The following FGF13 variants were observed in gnomAD, a reference collection of about 807,000 sequenced individuals.
FGF13 encodes fibroblast growth factor homologous factor 2.
FGF13 carries 2 observed loss-of-function variants against 19.5 expected under a neutral mutation model. The observed-to-expected ratio is 0.10, with a 90% CI of 0.04 to 0.32. The LOEUF is 0.32. FGF13 is among the 10% of genes least tolerant of loss of function. FGF13 has a pLI of 1.00. For synonymous variants in FGF13, 72 were observed against 76.9 expected (o/e 0.94, Z 0.33); for missense variants, 113 against 192.7 (o/e 0.59, Z 2.45).
chrX:139,061,408 A>G (rs1292655090), intron 1 of FGF13, among the ~76,000 whole-genome samples: 2 of 111,074 alleles, frequency 1.8e-5, no homozygotes, highest in Non-Finnish European at 3.8e-5. Flanking sequence ...CTCTTATGGC[A>G]CTACATTAGT....
chrX:139,185,058 C>G (rs889888256), intron 1 of FGF13, among the ~76,000 whole-genome samples: 2 of 111,998 alleles, frequency 1.8e-5, no homozygotes, highest in African/African-American at 6.5e-5. Flanking sequence ...TTGTTTTGCA[C>G]TGGAACAAAA....
chrX:139,049,296 T>A (rs1211827318), intron 1 of FGF13, among the ~76,000 whole-genome samples: 2 of 110,683 alleles, frequency 1.8e-5, no homozygotes, highest in African/African-American at 6.6e-5. Flanking sequence ...TTTTTTTCTG[T>A]TTCTACTGAT....
chrX:139,093,675 G>C (rs1360538704), intron 1 of FGF13, among the ~76,000 whole-genome samples: 1 of 111,787 alleles, frequency 8.9e-6, no homozygotes, highest in Non-Finnish European at 1.9e-5. Context: ...AGTCTACTGG[G>C]GATGCTAGTG....
At chrX:139,006,144 C>T (rs1400101243) in intron 1 of FGF13, among the ~76,000 whole-genome samples, 1 of 111,229 alleles carries the variant, frequency 9.0e-6, no homozygotes, top group Non-Finnish European at 1.9e-5. Context: ...AATAATCAGA[C>T]TCCCAAAGGT....
chrX:138,818,417 A>G (rs1466207837), intron 3 of FGF13, among the ~76,000 whole-genome samples: 1 of 108,264 alleles, frequency 9.2e-6, no homozygotes, highest in Admixed American at 1.0e-4. Flanking sequence ...ATCTCCTTCA[A>G]TTGGTCCTGG....
At chrX:138,659,383 G>A (rs1416824859) in intron 3 of FGF13, among the ~76,000 whole-genome samples, 2 of 111,856 alleles carry the variant, frequency 1.8e-5, no homozygotes, top group Non-Finnish European at 3.8e-5. Context: ...AGTTAGAATG[G>A]CGATCATTAA....
At chrX:138,896,085 T>C (rs1056523650) in intron 1 of FGF13, among the ~76,000 whole-genome samples, 2 of 111,940 alleles carry the variant, frequency 1.8e-5, no homozygotes, top group Non-Finnish European at 3.8e-5. Flanking sequence ...GTGAGATTTA[T>C]TGCACAGCAT....
chrX:139,003,132 G>A lies in FGF13; in HGVS notation c.-112-138482C>T, dbSNP rs955088677. Among the ~76,000 whole-genome samples, 3 of 111,835 alleles carry A rather than the reference G, an allele frequency of 2.7e-5. No homozygotes were observed. The Admixed American group carries it at 2.8e-4, about 11-fold the overall frequency. On this transcript the variant is annotated intron_variant, in intron 1 of 2. Coordinates refer to the FGF13 transcript ENST00000421460. Reference sequence around the variant, plus strand: ...TGAGTGTTACAGCTCTTAAGATGGCGCGTCTGGAGTCTGTCCCTTCTGATG... The same window carrying A: ...TGAGTGTTACAGCTCTTAAGATGGCACGTCTGGAGTCTGTCCCTTCTGATG...
intron 1 of FGF13, among the ~76,000 whole-genome samples, chrX:139,175,517 G>A (rs1336835379): frequency 8.9e-6 from 1 of 112,093 alleles, no homozygotes; most frequent in East Asian, 2.8e-4. Flanking sequence ...TGCCCATTCA[G>A]TATGATATTG....
At position 139,010,583 on chromosome X, in the gene FGF13, T is replaced by C. The variant is rs1195078397; in HGVS notation, c.-112-145933A>G. On this transcript the variant is annotated intron_variant, in intron 1 of 2. Transcript: ENST00000421460. ...GGGTCAACAATGAAATCAAGATGGC[T>C]ATTAAAAAATTCTTTGAATTGAAAT... Among the ~76,000 whole-genome samples, 20 of 111,770 alleles carry C rather than the reference T, an allele frequency of 1.8e-4. No individual in the cohort carries two copies. The Admixed American group carries it at 1.9e-3, about 11-fold the overall frequency.
At chrX:139,143,909 C>G (rs1023498086) in intron 1 of FGF13, among the ~76,000 whole-genome samples, 3 of 111,425 alleles carry the variant, frequency 2.7e-5, no homozygotes, top group Non-Finnish European at 5.6e-5. Context: ...AGTATGGTTC[C>G]AGGCCCAAAT....
intron 1 of FGF13, among the ~76,000 whole-genome samples, chrX:139,192,825 G>A (rs2084342285): frequency 9.0e-6 from 1 of 111,447 alleles, no homozygotes; most frequent in Non-Finnish European, 1.9e-5. Flanking sequence ...GCTATGATGG[G>A]CACCAGATCA....
At chrX:138,872,252 G>A (rs752480415) in intron 1 of FGF13, among the ~76,000 whole-genome samples, 28 of 111,748 alleles carry the variant, frequency 2.5e-4, no homozygotes, top group Non-Finnish European at 4.9e-4. Context: ...TTTCACAAAC[G>A]GAAAATAATT....
intron 1 of FGF13, among the ~76,000 whole-genome samples, chrX:138,989,651 T>C (rs1401685575): frequency 9.0e-6 from 1 of 110,849 alleles, no homozygotes; most frequent in Non-Finnish European, 1.9e-5. Flanking sequence ...GGAGATTGAT[T>C]ACTTTTGATA....
Position 138,628,594 on chromosome X carries a change from T to C in FGF13, c.*4256A>G, listed in dbSNP as rs187184386. 8.9e-6 allele frequency: 1 copy of C among 112,351 alleles called. No homozygotes were observed. Among genetic ancestry groups the C allele is most frequent in the African/African-American group, 3.2e-5 (1 of 30,976 alleles). The allele number at this position is 112,351 out of a possible 1,213,427, so 9.3% of individuals were successfully genotyped here. On this transcript the variant is annotated 3_prime_UTR_variant, in exon 5 of 5. Coordinates refer to ENST00000315930, the MANE Select transcript of FGF13 (RefSeq NM_004114.5). ...GCTTCTAAGACACATTCGTATGAAA[T>C]TTGTTGAAAATGGTTATCAGTTCTG...
chrX:138,750,142 G>A (rs1481362614), intron 3 of FGF13, among the ~76,000 whole-genome samples: 1 of 111,476 alleles, frequency 9.0e-6, no homozygotes, highest in African/African-American at 3.3e-5. Flanking sequence ...GGGAAGAGGA[G>A]GTAGGTTCCA....
chrX:138,806,508 C>T (rs946229187), intron 3 of FGF13: 15 of 112,608 alleles, frequency 1.3e-4, no homozygotes, highest in African/African-American at 4.9e-4. Flanking sequence ...AGCAGCAGGG[C>T]CTCCAGAAGA....
rs766206463 is a variant in FGF13 at position 139,018,706 on chromosome X, G to A, written c.-112-154056C>T. 3.6e-5 allele frequency among the ~76,000 whole-genome samples: 4 copies of A among 111,138 alleles called. No individual in the cohort carries two copies. In the South Asian group the frequency reaches 1.5e-3, roughly 42 times the overall value. On this transcript the variant is annotated intron_variant, in intron 1 of 2. Transcript: ENST00000421460. Reference sequence around the variant, plus strand: ...CCTGGATGGCCAAACTAGAACATGGGAAAAGGTTCATCTGGGCCTTTGAGG... The same window carrying A: ...CCTGGATGGCCAAACTAGAACATGGAAAAAGGTTCATCTGGGCCTTTGAGG...
At chrX:138,953,168 G>A (rs1468094918) in intron 1 of FGF13, among the ~76,000 whole-genome samples, 2 of 110,668 alleles carry the variant, frequency 1.8e-5, no homozygotes, top group Non-Finnish European at 3.8e-5. Flanking sequence ...GCAAAGACTT[G>A]GAACCAACCC....
Sources: allele counts gnomAD v4.1 joint callset (sites outside exome capture counted in the v4.1 genomes callset), GRCh38; gene constraint gnomAD v4.1.1; transcripts MANE v1.5; gene names NCBI Gene and HGNC (gene_info 2026-07-23, HGNC 2026-07-21).